The following ADARB1 variants were observed in gnomAD, a reference collection of about 807,000 sequenced individuals.
ADARB1 encodes the protein adenosine deaminase RNA specific B1, also known as double-stranded RNA-specific editase 1.
ADARB1 carries 10 observed loss-of-function variants against 52.4 expected under a neutral mutation model. That is an observed-to-expected ratio of 0.19 (90% CI 0.12 to 0.32). The LOEUF is 0.32. Among genes scored for constraint, ADARB1 ranks in the 10% least tolerant of loss-of-function variants. ADARB1 has a pLI of 1.00. For missense variants in ADARB1, 643 were observed against 922.3 expected (o/e 0.70, Z 3.92); for synonymous variants, 349 against 371.1 (o/e 0.94, Z 0.68).
chr21:45,172,580 C>CATTTCTGCATGGTATTG lies in ADARB1; in HGVS notation c.28+922_28+938dup, dbSNP rs1034449594. Among the ~76,000 whole-genome samples, 1 of 152,156 alleles carries CATTTCTGCATGGTATTG rather than the reference C, an allele frequency of 6.6e-6. No individual in the cohort carries two copies. Among genetic ancestry groups the CATTTCTGCATGGTATTG allele is most frequent in the African/African-American group, 2.4e-5 (1 of 41,438 alleles). On this transcript the variant is annotated intron_variant, in intron 3 of 10. Coordinates refer to ENST00000348831, the MANE Select transcript of ADARB1 (RefSeq NM_001112.4). This position sits in a 1 kb window ranked among gnomAD's most constrained non-coding sequence, Gnocchi z 4.4. ...GAACCCAAACCATGACCCAGTGAAG[C>CATTTCTGCATGGTATTG]ATTTCTGCATGGTATTGATTTCTGC...
intron 4 of ADARB1, chr21:45,177,056 T>G: frequency 5.8e-6 from 1 of 171,484 alleles, no homozygotes. Context: ...CAGCACCATT[T>G]TCCTTCAAAG....
chr21:45,152,586 C>T (rs547893465), intron 2 of ADARB1: 151 of 384,192 alleles, frequency 3.9e-4, no homozygotes, highest in South Asian at 2.5e-3. Flanking sequence ...TGGGGCCGGC[C>T]GGACTGGCAT....
Position 45,142,972 on chromosome 21 carries a change from T to C in ADARB1, c.-48+14399T>C, listed in dbSNP as rs2089810096. 6.6e-6 allele frequency among the ~76,000 whole-genome samples: 1 copy of C among 152,194 alleles called. No homozygotes were observed. The highest frequency in any genetic ancestry group is 6.5e-5 in the Admixed American group (1 of 15,282). On this transcript the variant is annotated intron_variant, in intron 2 of 10. Transcript: ENST00000348831. The surrounding 1 kb of genome is among the most constrained non-coding windows in gnomAD (Gnocchi z 4.0). ...CCACCCACAAAGGCCAAAGCTCCAA[T>C]GGCATCTGCGATGCTTGTAAAACAA... is the stretch of plus-strand genomic sequence containing the variant.
intron 2 of ADARB1, among the ~76,000 whole-genome samples, chr21:45,163,072 A>G (rs1042982289): frequency 2.0e-5 from 3 of 152,226 alleles, no homozygotes; most frequent in Non-Finnish European, 4.4e-5. Flanking sequence ...AGAGTGACCC[A>G]TGAGGTGTTT....
intron 1 of ADARB1, among the ~76,000 whole-genome samples, chr21:45,117,484 C>T (rs529691369): frequency 6.6e-5 from 10 of 152,178 alleles, no homozygotes; most frequent in Middle Eastern, 3.4e-3. Flanking sequence ...CTCTCTATAA[C>T]GCAGCTGTCC....
chr21:45,130,643 C>A (rs2088874600), intron 2 of ADARB1, among the ~76,000 whole-genome samples: 1 of 152,178 alleles, frequency 6.6e-6, no homozygotes. Flanking sequence ...CACGGCCGTC[C>A]TCAGCCTCAC....
At position 45,182,571 on chromosome 21, in the gene ADARB1, T is replaced by G. The variant is rs781126899; in HGVS notation, c.1079-14T>G. The G allele has an allele frequency of 2.0e-6, 3 of 1,524,134 alleles. No individual in the cohort carries two copies. Among genetic ancestry groups the G allele is most frequent in the Non-Finnish European group, 2.7e-6 (3 of 1,129,352 alleles). The allele number at this position is 1,524,134 out of a possible 1,614,324, so 94.4% of individuals were successfully genotyped here. A position where few individuals can be genotyped will look rare whatever the true frequency, so the allele number is the denominator to read the frequency against. ...TGAATTACAGAAAATAGTGTCTCTTTTTTTTTTTTTCAGGCACAGATGTTA... is the reference window on the plus strand; with the variant it reads ...TGAATTACAGAAAATAGTGTCTCTTGTTTTTTTTTTCAGGCACAGATGTTA... On this transcript the variant is annotated splice_polypyrimidine_tract_variant and intron_variant, in intron 5 of 10. Transcript: ENST00000348831.
chr21:45,120,968 G>A (rs543884735), intron 1 of ADARB1: 9 of 152,322 alleles, frequency 5.9e-5, no homozygotes, highest in African/African-American at 9.6e-5. Flanking sequence ...TGGTATGTGT[G>A]TATTCAACTC....
intron 1 of ADARB1, among the ~76,000 whole-genome samples, chr21:45,084,449 A>G (rs916813379): frequency 2.0e-5 from 3 of 152,194 alleles, no homozygotes; most frequent in Non-Finnish European, 4.4e-5. Flanking sequence ...CTTAGGAGGC[A>G]GGATTGAGAG....
At chr21:45,086,021 G>A (rs2086328164) in intron 1 of ADARB1, among the ~76,000 whole-genome samples, 1 of 152,204 alleles carries the variant, frequency 6.6e-6, no homozygotes, top group African/African-American at 2.4e-5. Flanking sequence ...GAAAAGGAAG[G>A]TTTTTTCCTT....
Position 45,200,332 on chromosome 21 carries a change from T to C in ADARB1, c.1566-4223T>C, listed in dbSNP as rs372874546. Among the ~76,000 whole-genome samples the C allele has an allele frequency of 2.0e-5, 3 of 152,068 alleles. No homozygotes were observed. Among genetic ancestry groups the C allele is most frequent in the African/African-American group, 7.2e-5 (3 of 41,402 alleles). ...CCCCAGAGAGTTGTCCACAAGACCA[T>C]GGGGTGAGAGGCTCCCATGGGGTTG... On this transcript the variant is annotated intron_variant, in intron 8 of 10. Transcript: ENST00000348831. The surrounding 1 kb of genome is among the most constrained non-coding windows in gnomAD (Gnocchi z 5.0).
chr21:45,102,457 T>TA (rs750098078), intron 1 of ADARB1, among the ~76,000 whole-genome samples: 1 of 152,080 alleles, frequency 6.6e-6, no homozygotes, highest in Admixed American at 6.6e-5. Flanking sequence ...AAACAGCATA[T>TA]AAAAAATAGA....
At chr21:45,199,944 A>G (rs1282412591) in intron 8 of ADARB1, among the ~76,000 whole-genome samples, 2 of 152,174 alleles carry the variant, frequency 1.3e-5, no homozygotes, top group Non-Finnish European at 1.5e-5. Flanking sequence ...CTTTTATTAT[A>G]TAGTAATTAG....
chr21:45,195,325 T>C (rs112586558), intron 8 of ADARB1, among the ~76,000 whole-genome samples: 10 of 152,324 alleles, frequency 6.6e-5, no homozygotes, highest in African/African-American at 2.4e-4. Context: ...TTATCAGATA[T>C]GTCTTTTGCA....
chr21:45,127,717 A>T (rs1262844318), intron 1 of ADARB1, among the ~76,000 whole-genome samples: 1 of 152,110 alleles, frequency 6.6e-6, no homozygotes, highest in African/African-American at 2.4e-5. Flanking sequence ...ACCCCTGGAC[A>T]CACCTCCCAG....
intron 2 of ADARB1, among the ~76,000 whole-genome samples, chr21:45,171,359 G>A (rs905664619): frequency 4.6e-5 from 7 of 152,190 alleles, no homozygotes; most frequent in African/African-American, 1.7e-4. Context: ...CTCCATGTGG[G>A]AGAATCCACG....
At chr21:45,185,283 C>A (rs1357456268) in intron 8 of ADARB1, among the ~76,000 whole-genome samples, 192 bp downstream of exon 8, 2 of 152,248 alleles carry the variant, frequency 1.3e-5, no homozygotes, top group Non-Finnish European at 2.9e-5. Context: ...GCAGCAGGAC[C>A]TAGACACAGG....
chr21:45,110,593 T>G (rs981279896), intron 1 of ADARB1, among the ~76,000 whole-genome samples: 1 of 152,250 alleles, frequency 6.6e-6, no homozygotes, highest in African/African-American at 2.4e-5. Flanking sequence ...ACAGTTTGAT[T>G]AATAAACCTA....
chr21:45,108,105 A>G (rs1269081057), intron 1 of ADARB1, among the ~76,000 whole-genome samples: 1 of 152,226 alleles, frequency 6.6e-6, no homozygotes, highest in Non-Finnish European at 1.5e-5. Flanking sequence ...AGAAAAACAC[A>G]ATAAGGTCAA....
Sources: allele counts gnomAD v4.1 joint callset (sites outside exome capture counted in the v4.1 genomes callset), GRCh38; gene constraint gnomAD v4.1.1; non-coding constraint Gnocchi (gnomAD v3.1); transcripts MANE v1.5; gene names NCBI Gene and HGNC (gene_info 2026-07-23, HGNC 2026-07-21).